Variants in ATG10 observed in about 807,000 individuals in gnomAD.
ATG10 encodes the protein autophagy related 10.
Under a neutral mutation model 32.1 loss-of-function variants are expected in ATG10, and 30 were observed. The ratio of observed to expected loss-of-function variants is 0.94; its 90% CI spans 0.70 to 1.27. ATG10 has a LOEUF of 1.27. Ranked by LOEUF, ATG10 falls within the 50% of genes most tolerant of loss-of-function variation. The pLI is 0.00. For synonymous variants in ATG10, 87 were observed against 91.5 expected (o/e 0.95, Z 0.28); for missense variants, 233 against 262.3 (o/e 0.89, Z 0.77).
chr5:82,041,643 A>T (rs1397195761), intron 2 of ATG10, among the ~76,000 whole-genome samples: 1 of 152,196 alleles, frequency 6.6e-6, no homozygotes, highest in Non-Finnish European at 1.5e-5. Context: ...CTTATTACAA[A>T]TATGAAAATA....
intron 2 of ATG10, among the ~76,000 whole-genome samples, chr5:82,016,280 C>T (rs538652759): frequency 6.6e-6 from 1 of 152,218 alleles, no homozygotes; most frequent in South Asian, 2.1e-4. Flanking sequence ...GGCGAGGATC[C>T]ACTTTGATTC....
chr5:82,143,346 C>T (rs556832660), intron 3 of ATG10, among the ~76,000 whole-genome samples: 15 of 152,332 alleles, frequency 9.8e-5, no homozygotes, highest in Admixed American at 3.3e-4. Flanking sequence ...TGAATAAGCC[C>T]AGCACAGAAC....
intron 2 of ATG10, among the ~76,000 whole-genome samples, chr5:82,049,974 A>G (rs1437192184): frequency 6.6e-6 from 1 of 152,066 alleles, no homozygotes; most frequent in Non-Finnish European, 1.5e-5. Context: ...AAAAATGTTT[A>G]ATAATACATA....
At chr5:82,108,062 A>G (rs895578936) in intron 3 of ATG10, among the ~76,000 whole-genome samples, 1 of 152,016 alleles carries the variant, frequency 6.6e-6, no homozygotes, top group African/African-American at 2.4e-5. Context: ...GAGTTAGATA[A>G]TGGAGCACCT....
intron 3 of ATG10, among the ~76,000 whole-genome samples, chr5:82,085,350 C>T (rs1464024962): frequency 1.3e-5 from 2 of 151,960 alleles, no homozygotes; most frequent in African/African-American, 2.4e-5. Flanking sequence ...TAGAGACCTA[C>T]AAAGAGACTT....
intron 2 of ATG10, among the ~76,000 whole-genome samples, chr5:82,014,863 T>C (rs1762235551): frequency 6.6e-6 from 1 of 152,224 alleles, no homozygotes; most frequent in African/African-American, 2.4e-5. Context: ...AATTTGATCC[T>C]GTCATTATGA....
intron 5 of ATG10, 93 bp downstream of exon 5, chr5:82,178,680 C>A: frequency 1.2e-6 from 1 of 839,422 alleles, no homozygotes; most frequent in Non-Finnish European, 2.0e-6. Flanking sequence ...ACTCTTTTCC[C>A]TATTTCACTT....
intron 3 of ATG10, among the ~76,000 whole-genome samples, chr5:82,137,675 G>A (rs1340033737): frequency 6.6e-6 from 1 of 152,204 alleles, no homozygotes; most frequent in East Asian, 1.9e-4. Context: ...GTGCCTCCCA[G>A]TGAGGAGGCA....
chr5:82,111,287 G>T (rs1460412730), intron 3 of ATG10: 1 of 151,840 alleles, frequency 6.6e-6, no homozygotes, highest in Non-Finnish European at 1.5e-5. Context: ...TTTTAACTGT[G>T]ACTCATATTT....
At chr5:82,221,300 C>G (rs1051945669) in intron 5 of ATG10, among the ~76,000 whole-genome samples, 2 of 152,122 alleles carry the variant, frequency 1.3e-5, no homozygotes, top group Non-Finnish European at 2.9e-5. Flanking sequence ...ATTACAACCT[C>G]TTCTACAGTA....
chr5:81,981,531 T>TA (rs773396089), intron 1 of ATG10, among the ~76,000 whole-genome samples: 25 of 152,232 alleles, frequency 1.6e-4, no homozygotes, highest in Non-Finnish European at 2.9e-5. Flanking sequence ...AGTCTACACT[T>TA]AGAGTTATAA....
At chr5:82,216,262 G>A (rs2149985920) in intron 5 of ATG10, among the ~76,000 whole-genome samples, 1 of 152,306 alleles carries the variant, frequency 6.6e-6, no homozygotes, top group African/African-American at 2.4e-5. Flanking sequence ...AACAAAAAGA[G>A]ATTCAACTTA....
intron 3 of ATG10, among the ~76,000 whole-genome samples, chr5:82,097,902 T>G (rs1017055917): frequency 1.3e-5 from 2 of 152,200 alleles, no homozygotes; most frequent in African/African-American, 4.8e-5. Context: ...ATGGACATCT[T>G]AAAACTATTT....
chr5:82,232,499 C>T (rs1266850208), intron 5 of ATG10, among the ~76,000 whole-genome samples: 3 of 152,078 alleles, frequency 2.0e-5, no homozygotes, highest in Non-Finnish European at 4.4e-5. Flanking sequence ...GGAAGAATAC[C>T]TACTTTATAG....
intron 5 of ATG10, among the ~76,000 whole-genome samples, chr5:82,213,390 G>A (rs1383895185): frequency 6.6e-6 from 1 of 152,090 alleles, no homozygotes; most frequent in Non-Finnish European, 1.5e-5. Flanking sequence ...TCCTTCCTCT[G>A]GCCACCACCT....
intron 3 of ATG10, among the ~76,000 whole-genome samples, chr5:82,086,147 A>C (rs1250359075): frequency 2.0e-5 from 3 of 152,144 alleles, no homozygotes; most frequent in Non-Finnish European, 2.9e-5. Flanking sequence ...TAAATTCTCA[A>C]CCTTTATTGA....
chr5:82,007,274 G>A (rs1382050039), intron 2 of ATG10, among the ~76,000 whole-genome samples: 1 of 152,140 alleles, frequency 6.6e-6, no homozygotes, highest in African/African-American at 2.4e-5. Context: ...GAATTACATA[G>A]CCTCGTTCTA....
chr5:82,105,119 T>G (rs1765405499), intron 3 of ATG10, among the ~76,000 whole-genome samples: 1 of 152,170 alleles, frequency 6.6e-6, no homozygotes, highest in Admixed American at 6.6e-5. Flanking sequence ...CAGAACTTGT[T>G]CAGTAATTTG....
At chr5:81,996,572 T>A (rs552396838) in intron 2 of ATG10, among the ~76,000 whole-genome samples, 2 of 152,304 alleles carry the variant, frequency 1.3e-5, no homozygotes, top group South Asian at 4.1e-4. Flanking sequence ...CAGGCCATGC[T>A]CTAGACTCCA....
Sources: gnomAD v4.1 joint callset for allele counts (sites outside exome capture counted in the v4.1 genomes callset) on GRCh38, gnomAD v4.1.1 for gene constraint, MANE v1.5 for transcripts, NCBI Gene and HGNC (gene_info 2026-07-23, HGNC 2026-07-21) for gene names.